Variants in PRELID2 observed in about 807,000 individuals in gnomAD.
PRELID2 encodes the protein PRELI domain containing 2.
Under a neutral mutation model 28.4 loss-of-function variants are expected in PRELID2, and 25 were observed. That is an observed-to-expected ratio of 0.88 (90% CI 0.64 to 1.23). PRELID2 has a LOEUF of 1.23. PRELID2 is among the 50% of genes most tolerant of loss of function. The probability of loss-of-function intolerance (pLI) is 0.00; values close to 1 mark genes in which losing one functional copy is unlikely to be tolerated. For missense variants in PRELID2, 201 were observed against 214.4 expected, an observed-to-expected ratio of 0.94 and a Z score of 0.39; for synonymous variants, 76 against 71.6, an observed-to-expected ratio of 1.06 and a Z score of -0.31.
intron 1 of PRELID2, among the ~76,000 whole-genome samples, chr5:145,727,222 C>T (rs1756195234): frequency 6.6e-6 from 1 of 152,148 alleles, no homozygotes; most frequent in African/African-American, 2.4e-5. Context: ...GGGCTAGAAG[C>T]AAGGAGCCAG....
intron 1 of PRELID2, among the ~76,000 whole-genome samples, chr5:145,685,483 T>C (rs905199756): frequency 6.6e-6 from 1 of 152,192 alleles, no homozygotes; most frequent in African/African-American, 2.4e-5. Context: ...CTGGCATAGA[T>C]AAGAATTTAG....
chr5:145,421,756 A>G, the PRELID2 span, among the ~76,000 whole-genome samples: 4 of 136,198 alleles, frequency 2.9e-5, no homozygotes, highest in East Asian at 8.3e-4. Context: ...GATATTAGTT[A>G]TTTCTTGCCT....
chr5:145,772,742 T>C (rs1429522465), intron 5 of PRELID2, among the ~76,000 whole-genome samples: 5 of 152,200 alleles, frequency 3.3e-5, no homozygotes, highest in Non-Finnish European at 7.3e-5. Flanking sequence ...ATTCAAACCA[T>C]AGCAGGTACA....
intron 1 of PRELID2, among the ~76,000 whole-genome samples, chr5:145,698,101 C>A (rs1346657773): frequency 6.6e-6 from 1 of 152,004 alleles, no homozygotes; most frequent in Non-Finnish European, 1.5e-5. Context: ...GTCCTCTTTG[C>A]AAGCTCCAAA....
At chr5:145,409,494 G>C in the PRELID2 span, among the ~76,000 whole-genome samples, 2 of 152,032 alleles carry the variant, frequency 1.3e-5, no homozygotes, top group Non-Finnish European at 2.9e-5. Context: ...AACACATAAG[G>C]CCTCACATAA....
intron 1 of PRELID2, among the ~76,000 whole-genome samples, chr5:145,672,222 T>C (rs1177220262): frequency 6.6e-6 from 1 of 152,138 alleles, no homozygotes; most frequent in Admixed American, 6.6e-5. Flanking sequence ...TGGAATGATA[T>C]AGAAGGGGGA....
intron 1 of PRELID2, among the ~76,000 whole-genome samples, chr5:145,699,391 A>C (rs1755355865): frequency 6.6e-6 from 1 of 152,108 alleles, no homozygotes; most frequent in African/African-American, 2.4e-5. Context: ...GTACACACAC[A>C]CATCACACAC....
chr5:145,425,598 C>G, the PRELID2 span, among the ~76,000 whole-genome samples: 1 of 152,142 alleles, frequency 6.6e-6, no homozygotes, highest in African/African-American at 2.4e-5. Flanking sequence ...AGATTACGTC[C>G]TTTGTTGGGA....
the PRELID2 span, among the ~76,000 whole-genome samples, chr5:145,352,719 A>C: frequency 6.6e-6 from 1 of 152,120 alleles, no homozygotes; most frequent in Non-Finnish European, 1.5e-5. Flanking sequence ...AAATTTTCCA[A>C]ACTTTTATGT....
At chr5:145,352,317 A>C in the PRELID2 span, among the ~76,000 whole-genome samples, 2 of 152,152 alleles carry the variant, frequency 1.3e-5, no homozygotes, top group Non-Finnish European at 2.9e-5. Flanking sequence ...CCAAACCTCA[A>C]TTCTTGACTT....
chr5:145,735,652 C>A (rs1756475966), intron 1 of PRELID2, among the ~76,000 whole-genome samples: 1 of 152,094 alleles, frequency 6.6e-6, no homozygotes, highest in South Asian at 2.1e-4. Context: ...AGTATGTGGC[C>A]ATGTAGTGAT....
the PRELID2 span, among the ~76,000 whole-genome samples, chr5:145,258,032 C>T: frequency 3.9e-5 from 6 of 152,174 alleles, no homozygotes; most frequent in African/African-American, 1.4e-4. Context: ...CTTTTTCCTG[C>T]TCCTGCCATG....
chr5:145,292,714 C>A, the PRELID2 span, among the ~76,000 whole-genome samples: 2 of 152,028 alleles, frequency 1.3e-5, no homozygotes, highest in Admixed American at 6.6e-5. Flanking sequence ...CACACTTTTA[C>A]TTTATTTTTA....
At chr5:145,663,856 G>A (rs1754539621) in intron 1 of PRELID2, among the ~76,000 whole-genome samples, 1 of 152,062 alleles carries the variant, frequency 6.6e-6, no homozygotes, top group African/African-American at 2.4e-5. Context: ...TTCCTATAAT[G>A]TGCTCAGCAG....
chr5:145,442,886 C>T, the PRELID2 span, among the ~76,000 whole-genome samples: 64 of 152,070 alleles, frequency 4.2e-4, 1 homozygote, highest in African/African-American at 1.4e-3. Context: ...GCTAGACAAC[C>T]GGTTAGACCA....
intron 1 of PRELID2, among the ~76,000 whole-genome samples, chr5:145,654,411 A>G (rs1581030783): frequency 6.6e-6 from 1 of 152,384 alleles, no homozygotes; most frequent in South Asian, 2.1e-4. Flanking sequence ...GGCCAGCATC[A>G]TCCTGATAAC....
At chr5:145,330,585 T>C in the PRELID2 span, among the ~76,000 whole-genome samples, 2 of 152,340 alleles carry the variant, frequency 1.3e-5, no homozygotes, top group Non-Finnish European at 1.5e-5. Context: ...TATTTTCTGA[T>C]GGTAGTTTGT....
the PRELID2 span, among the ~76,000 whole-genome samples, chr5:145,310,230 T>A: frequency 6.6e-6 from 1 of 152,212 alleles, no homozygotes; most frequent in Non-Finnish European, 1.5e-5. Flanking sequence ...GGGGCAAATA[T>A]AGTCAATTAT....
chr5:145,523,204 T>A (rs1752578401), intron 1 of PRELID2, among the ~76,000 whole-genome samples: 1 of 152,172 alleles, frequency 6.6e-6, no homozygotes, highest in African/African-American at 2.4e-5. Flanking sequence ...AGAAACATGA[T>A]GTCAAAGGCA....
Sources: allele counts gnomAD v4.1 joint callset (sites outside exome capture counted in the v4.1 genomes callset), GRCh38; gene constraint gnomAD v4.1.1; transcripts MANE v1.5; gene names NCBI Gene and HGNC (gene_info 2026-07-23, HGNC 2026-07-21).